Variants in LRRFIP1 observed in about 807,000 individuals in gnomAD.
LRRFIP1 encodes the protein LRR binding FLII interacting protein 1.
A neutral mutation model predicts 104.4 loss-of-function variants in LRRFIP1; 62 were observed. That is an observed-to-expected ratio of 0.59 (90% CI 0.48 to 0.73). The LOEUF is 0.73. Ranked by LOEUF, LRRFIP1 falls within the 30% of genes least tolerant of loss-of-function variation. LRRFIP1 has a pLI of 0.00. For missense variants in LRRFIP1, 796 were observed against 824.5 expected (o/e 0.97, Z 0.42); for synonymous variants, 300 against 299.0 (o/e 1.00, Z -0.03).
Position 237,730,476 on chromosome 2 carries a change from A to G in LRRFIP1, c.444+2541A>G, listed in dbSNP as rs2094950260. 2.0e-5 allele frequency among the ~76,000 whole-genome samples: 3 copies of G among 152,234 alleles called. No individual in the cohort carries two copies. The South Asian group carries it at 6.2e-4, about 32-fold the overall frequency. ...AAGCAGGCCCTGGGATCACAAAGCTAAGCAGAGGAGGTGGGTGCTCTCCAG... is the reference window on the plus strand; with the variant it reads ...AAGCAGGCCCTGGGATCACAAAGCTGAGCAGAGGAGGTGGGTGCTCTCCAG... On this transcript the variant is annotated intron_variant, in intron 8 of 23. Transcript: ENST00000308482.
At chr2:237,741,432 G>A (rs1052279060) in intron 11 of LRRFIP1, among the ~76,000 whole-genome samples, 3 of 152,170 alleles carry the variant, frequency 2.0e-5, no homozygotes, top group Non-Finnish European at 4.4e-5. Flanking sequence ...ATAAACATAA[G>A]CTGACTTATG....
Position 237,693,803 on chromosome 2 carries a change from T to C in LRRFIP1, c.97-14741T>C, listed in dbSNP as rs141829282. 3.1e-3 allele frequency among the ~76,000 whole-genome samples: 471 copies of C among 152,136 alleles called. 11 individuals carry two copies. The East Asian group carries it at 0.046, about 15-fold the overall frequency. On this transcript the variant is annotated intron_variant, in intron 1 of 23. Transcript: ENST00000308482. The stretch of plus-strand genomic sequence containing the variant: ...CATTGAGAACAGGATGTGAGGAAAC[T>C]AGGGACAGGCTAATCAGAGGAGTAG...
intron 5 of LRRFIP1, 95 bp downstream of exon 5, chr2:237,719,662 AATG>A (rs2094468892): frequency 2.6e-6 from 2 of 762,286 alleles, no homozygotes; most frequent in African/African-American, 1.8e-5. Context: ...TCAATCTCTT[AATG>A]ATGATATCAT....
rs200750365 is a variant in LRRFIP1 at position 237,753,348 on chromosome 2, A to G, written c.907A>G (p.Met303Val). Residue 303 changes from methionine (M) to valine (V), a missense_variant, in exon 15 of 24, where the codon ATG becomes GTG. Physicochemically the swap from Met to Val is conservative, Grantham distance 21. Coordinates refer to ENST00000308482, the MANE Select transcript of LRRFIP1 (RefSeq NM_001137550.2). ...AGTTGAAGAGAAATATAAGAAGGCT[A>G]TGGTTTCCAATGCTCAGCTAGACAA... ...AEVEEKYKKA[M>V]VSNAQLDNEK... 4.8e-5 allele frequency: 77 copies of G among 1,600,254 alleles called. No individual in the cohort carries two copies. Among genetic ancestry groups the G allele is most frequent in the Non-Finnish European group, 6.2e-5 (73 of 1,176,934 alleles).
chr2:237,708,551 C>G lies in LRRFIP1; in HGVS notation c.104C>G (p.Ala35Gly). ...ALNQIAREAE[A>G]RLAAKRAARA... ...ATGCCCTGTCCGTTTCAGGCGGAAGCCCGGCTCGCTGCAAAACGGGCGGCC... is the reference window on the plus strand; with the variant it reads ...ATGCCCTGTCCGTTTCAGGCGGAAGGCCGGCTCGCTGCAAAACGGGCGGCC... The change falls in exon 2 of 24, where the codon GCC becomes GGC. Residue 35 changes from alanine to glycine, a missense_variant. Coordinates refer to ENST00000308482, the MANE Select transcript of LRRFIP1 (RefSeq NM_001137550.2). 1 of 1,575,596 alleles carries G rather than the reference C, an allele frequency of 6.3e-7. No individual in the cohort carries two copies. The highest frequency in any genetic ancestry group is 8.6e-7 in the Non-Finnish European group (1 of 1,157,924).
chr2:237,664,966 T>G (rs768940659), intron 1 of LRRFIP1, among the ~76,000 whole-genome samples: 20 of 152,226 alleles, frequency 1.3e-4, no homozygotes, highest in Non-Finnish European at 2.5e-4. Flanking sequence ...AGGGTTTTCT[T>G]TGGAAGCTAA....
intron 1 of LRRFIP1, among the ~76,000 whole-genome samples, chr2:237,658,574 G>A (rs879660926): frequency 1.1e-4 from 16 of 152,216 alleles, no homozygotes; most frequent in Non-Finnish European, 2.4e-4. Flanking sequence ...AAGGAAAGAG[G>A]TTTAATTGAC....
At chr2:237,660,633 C>T (rs928179906) in intron 1 of LRRFIP1, among the ~76,000 whole-genome samples, 26 of 152,216 alleles carry the variant, frequency 1.7e-4, no homozygotes, top group Admixed American at 3.9e-4. Flanking sequence ...AAGTCATTTG[C>T]TGCAGTCTTG....
intron 11 of LRRFIP1, among the ~76,000 whole-genome samples, chr2:237,744,189 C>T (rs2057498655): frequency 6.6e-6 from 1 of 152,124 alleles, no homozygotes; most frequent in South Asian, 2.1e-4. Flanking sequence ...AAACCGTCAC[C>T]CTAGTGGTGG....
intron 1 of LRRFIP1, among the ~76,000 whole-genome samples, chr2:237,681,596 A>G (rs984653195): frequency 1.7e-4 from 25 of 148,960 alleles, no homozygotes; most frequent in African/African-American, 5.5e-4. Context: ...TGAACTAGTG[A>G]CCGCAGGTGA....
chr2:237,735,239 C>T lies in LRRFIP1; in HGVS notation c.490-29C>T, dbSNP rs753089740. On this transcript the variant is annotated intron_variant, in intron 9 of 23. Coordinates refer to ENST00000308482, the MANE Select transcript of LRRFIP1 (RefSeq NM_001137550.2). This position sits in a 1 kb window ranked among gnomAD's most constrained non-coding sequence, Gnocchi z 4.6. ...GGCACTCTTGGAGAAAGGAAGAGCG[C>T]CCATCCTGACAGTCTCTTTTGGTCG... is the stretch of plus-strand genomic sequence containing the variant. The T allele has an allele frequency of 3.1e-6, 5 of 1,599,488 alleles. No homozygotes were observed. The highest frequency in any genetic ancestry group is 1.7e-5 in the Admixed American group (1 of 59,042).
intron 6 of LRRFIP1, chr2:237,721,460 G>A (rs1382984606): frequency 1.3e-5 from 2 of 152,198 alleles, no homozygotes; most frequent in East Asian, 1.9e-4. Context: ...GTGAGTTTGG[G>A]GGGAAGTAAA....
intron 1 of LRRFIP1, among the ~76,000 whole-genome samples, chr2:237,646,149 A>C (rs2084878878): frequency 6.6e-6 from 1 of 151,958 alleles, no homozygotes; most frequent in Non-Finnish European, 1.5e-5. Context: ...CGATATTCTG[A>C]TTAGTTCGCA....
chr2:237,749,127 C>G (rs987283305), intron 12 of LRRFIP1, 72 bp from the exon 13 acceptor site: 1 of 1,508,248 alleles, frequency 6.6e-7, no homozygotes, highest in Non-Finnish European at 9.0e-7. Flanking sequence ...ATGGGGATTA[C>G]AATTCCAGAT....
chr2:237,690,951 C>T (rs1356318608), intron 1 of LRRFIP1, among the ~76,000 whole-genome samples: 1 of 148,810 alleles, frequency 6.7e-6, no homozygotes, highest in African/African-American at 2.6e-5. Context: ...TGCTCGGCCC[C>T]TCTTTTCCTT....
intron 1 of LRRFIP1, among the ~76,000 whole-genome samples, chr2:237,681,359 C>T (rs1375077540): frequency 6.6e-6 from 1 of 152,122 alleles, no homozygotes; most frequent in Non-Finnish European, 1.5e-5. Flanking sequence ...GTCTTTTACA[C>T]AGTCCTATTC....
intron 1 of LRRFIP1, among the ~76,000 whole-genome samples, chr2:237,702,595 G>A (rs1437994723): frequency 2.0e-5 from 3 of 152,316 alleles, no homozygotes; most frequent in Non-Finnish European, 2.9e-5. Context: ...ACCCAGCAGC[G>A]GGCCACCTTC....
In LRRFIP1 at chr2:237,717,896, T is replaced by TA. The variant is rs1190131664; in HGVS notation, c.249+88dup. ...CTTAAATGGTTTATAATGTAATTCT[T>TA]ACGCAGTTTAACTATGTAGATAGAT... On this transcript the variant is annotated intron_variant, in intron 4 of 23. Coordinates refer to ENST00000308482, the MANE Select transcript of LRRFIP1 (RefSeq NM_001137550.2). The surrounding 1 kb of genome is among the most constrained non-coding windows in gnomAD (Gnocchi z 4.2). 2.9e-6 allele frequency: 3 copies of TA among 1,039,500 alleles called. No homozygotes were observed. The highest frequency in any genetic ancestry group is 1.3e-5 in the South Asian group (1 of 79,574). 64.4% of individuals were successfully genotyped at this position (1,039,500 alleles called of 1,614,324 possible).
chr2:237,741,142 G>T (rs1316057950), intron 11 of LRRFIP1, among the ~76,000 whole-genome samples: 1 of 152,222 alleles, frequency 6.6e-6, no homozygotes, highest in African/African-American at 2.4e-5. Context: ...GTGCGAGGCG[G>T]CAGCTACCAT....
Sources: allele counts gnomAD v4.1 joint callset (sites outside exome capture counted in the v4.1 genomes callset), GRCh38; gene constraint gnomAD v4.1.1; non-coding constraint Gnocchi (gnomAD v3.1); transcripts MANE v1.5; gene names NCBI Gene and HGNC (gene_info 2026-07-23, HGNC 2026-07-21).